RBFOX1: variants seen among roughly 807,000 people sequenced by gnomAD.
The protein encoded by RBFOX1 is RNA binding fox-1 homolog 1.
A neutral mutation model predicts 57.7 loss-of-function variants in RBFOX1; 8 were observed. The observed-to-expected ratio is 0.14, with a 90% CI of 0.08 to 0.25. RBFOX1 has a LOEUF of 0.25. RBFOX1 is among the 10% of genes least tolerant of loss of function. The pLI is 1.00. For missense variants in RBFOX1, 611 were observed against 548.5 expected (o/e 1.11, Z -1.14); for synonymous variants, 326 against 222.4 (o/e 1.47, Z -4.15).
intron 3 of RBFOX1, among the ~76,000 whole-genome samples, chr16:6,844,063 C>G (rs1452092011): frequency 1.3e-5 from 2 of 152,094 alleles, no homozygotes; most frequent in East Asian, 1.9e-4. Context: ...TTCTCTGTCT[C>G]TCTCTCCCCA....
At chr16:5,861,043 A>C (rs1299723762) in intron 3 of RBFOX1, among the ~76,000 whole-genome samples, 1 of 152,238 alleles carries the variant, frequency 6.6e-6, no homozygotes, top group Non-Finnish European at 1.5e-5. Context: ...CTGGTGTACC[A>C]GAGAGAACCA....
In RBFOX1 at chr16:6,500,218, AT is replaced by A. The variant is rs1264625026; in HGVS notation, c.-63-154379del. 5.9e-5 allele frequency among the ~76,000 whole-genome samples: 9 copies of A among 152,220 alleles called. No homozygotes were observed. In the East Asian group the frequency reaches 7.7e-4, roughly 13 times the overall value. On this transcript the variant is annotated intron_variant, in intron 2 of 15. Transcript: ENST00000550418. The stretch of plus-strand genomic sequence containing the variant: ...TACAATTAAAAGAATGGTATCTTCT[AT>A]TTTTTCCTAATTGGCAAAATACCTA...
chr16:7,352,570 C>T (rs1305962555), intron 4 of RBFOX1, among the ~76,000 whole-genome samples: 1 of 152,128 alleles, frequency 6.6e-6, no homozygotes, highest in South Asian at 2.1e-4. Flanking sequence ...AGCCATTCTC[C>T]AGGAAGAGTC....
rs554464433 is a variant in RBFOX1 at position 6,047,061 on chromosome 16, T to C, written c.-127+27069T>C. 2.4e-3 allele frequency among the ~76,000 whole-genome samples: 363 copies of C among 152,288 alleles called. 2 individuals carry two copies. Among genetic ancestry groups the C allele is most frequent in the Non-Finnish European group, 4.0e-3 (274 of 68,026 alleles). ...CTGCCATGGAGCTGAAGATATATTC[T>C]CGGACCCAAGGAAGAAACACAGAGG... On this transcript the variant is annotated intron_variant, in intron 1 of 15. Transcript: ENST00000550418.
chr16:5,590,928 C>G (rs775224436), intron 2 of RBFOX1, among the ~76,000 whole-genome samples: 1 of 152,082 alleles, frequency 6.6e-6, no homozygotes. Context: ...TACCCCAATG[C>G]CAGCATTTCT....
At chr16:7,585,387 G>A (rs142606510) in intron 6 of RBFOX1, among the ~76,000 whole-genome samples, 2 of 152,318 alleles carry the variant, frequency 1.3e-5, no homozygotes, top group African/African-American at 4.8e-5. Flanking sequence ...ACAGATTGCA[G>A]GATGAGTAAG....
chr16:6,632,265 C>G (rs983339452), intron 2 of RBFOX1, among the ~76,000 whole-genome samples: 1 of 151,644 alleles, frequency 6.6e-6, no homozygotes, highest in East Asian at 1.9e-4. Flanking sequence ...CAAACTGAAA[C>G]CATCGCAAAC....
chr16:5,571,838 T>C (rs1431895157), intron 2 of RBFOX1, among the ~76,000 whole-genome samples: 21 of 152,234 alleles, frequency 1.4e-4, no homozygotes. Flanking sequence ...TCTTTTGTCT[T>C]TGTCTTTATT....
At chr16:5,577,458 G>A (rs2046502137) in intron 2 of RBFOX1, among the ~76,000 whole-genome samples, 1 of 152,048 alleles carries the variant, frequency 6.6e-6, no homozygotes. Context: ...TGCCTTATTT[G>A]AGTTCATATA....
At chr16:6,233,265 C>A (rs1299145687) in intron 1 of RBFOX1, among the ~76,000 whole-genome samples, 1 of 152,042 alleles carries the variant, frequency 6.6e-6, no homozygotes, top group Admixed American at 6.6e-5. Context: ...TTAGAGAAGC[C>A]CCAAACTGGA....
chr16:5,266,051 A>G (rs900073708), intron 1 of RBFOX1, among the ~76,000 whole-genome samples: 7 of 151,956 alleles, frequency 4.6e-5, no homozygotes, highest in African/African-American at 1.7e-4. Context: ...GATTAAAAAA[A>G]AAACTCTGGA....
intron 3 of RBFOX1, among the ~76,000 whole-genome samples, chr16:6,736,782 G>A (rs1038584770): frequency 1.3e-5 from 2 of 152,190 alleles, no homozygotes; most frequent in African/African-American, 4.8e-5. Context: ...GTAGCAGGTG[G>A]TGGTTCTGAC....
chr16:7,501,929 C>T (rs911706438), intron 4 of RBFOX1, among the ~76,000 whole-genome samples: 5 of 152,190 alleles, frequency 3.3e-5, no homozygotes, highest in African/African-American at 1.2e-4. Context: ...AGCCCCCAAA[C>T]ATAGCACAGT....
At chr16:6,899,014 CGT>C (rs1246312068) in intron 3 of RBFOX1, among the ~76,000 whole-genome samples, 1 of 50,132 alleles carries the variant, frequency 2.0e-5, no homozygotes, top group Non-Finnish European at 3.3e-5. Flanking sequence ...TATGCATGCG[CGT>C]CTCTGTGTGT....
chr16:5,792,040 G>T (rs1210534507), intron 3 of RBFOX1, among the ~76,000 whole-genome samples: 1 of 152,148 alleles, frequency 6.6e-6, no homozygotes, highest in Non-Finnish European at 1.5e-5. Flanking sequence ...GCACCCTGCA[G>T]AAGTTGTGTC....
chr16:6,482,546 A>T (rs549144328), intron 2 of RBFOX1, among the ~76,000 whole-genome samples: 3 of 152,368 alleles, frequency 2.0e-5, no homozygotes, highest in African/African-American at 7.2e-5. Context: ...TATTCAAGGT[A>T]CACATATTTA....
At chr16:7,579,743 T>G in intron 5 of RBFOX1, 34 bp from the exon 6 acceptor site, 1 of 1,613,758 alleles carries the variant, frequency 6.2e-7, no homozygotes, top group Non-Finnish European at 8.5e-7. Context: ...TGTGGTCCAC[T>G]GAGAACCTCT....
intron 3 of RBFOX1, among the ~76,000 whole-genome samples, chr16:5,614,803 C>T (rs934821542): frequency 6.6e-6 from 1 of 152,108 alleles, no homozygotes; most frequent in Non-Finnish European, 1.5e-5. Flanking sequence ...ACAAAAACAT[C>T]CGACATTCAT....
chr16:5,684,348 G>T (rs1030573048), intron 3 of RBFOX1, among the ~76,000 whole-genome samples: 1 of 152,122 alleles, frequency 6.6e-6, no homozygotes, highest in African/African-American at 2.4e-5. Context: ...GACTAATACA[G>T]CTGTGGAATT....
Sources: allele counts gnomAD v4.1 joint callset (sites outside exome capture counted in the v4.1 genomes callset), GRCh38; gene constraint gnomAD v4.1.1; transcripts MANE v1.5; gene names NCBI Gene and HGNC (gene_info 2026-07-23, HGNC 2026-07-21).